The following PDS5B variants were observed in gnomAD, a reference collection of about 807,000 sequenced individuals.
PDS5B encodes PDS5 cohesin associated factor B.
In PDS5B, 51 loss-of-function variants were observed where a neutral mutation model predicts 184.1. That is an observed-to-expected ratio of 0.28 (90% CI 0.22 to 0.35). The LOEUF (loss-of-function observed/expected upper bound fraction) is 0.35, where lower values mean the gene tolerates loss of function less well. Ranked by LOEUF, PDS5B falls within the 10% of genes least tolerant of loss-of-function variation. The pLI, the probability that PDS5B is intolerant of heterozygous loss-of-function variation, is 1.00. For synonymous variants in PDS5B, 566 were observed against 569.2 expected (o/e 0.99, Z 0.08); for missense variants, 1,180 against 1,723.3 (o/e 0.68, Z 5.58).
chr13:32,769,201 G>A (rs998552479), intron 31 of PDS5B, among the ~76,000 whole-genome samples: 2 of 151,842 alleles, frequency 1.3e-5, no homozygotes, highest in African/African-American at 4.8e-5. Context: ...AAAGCATAGA[G>A]GAATATAGAG....
At chr13:32,642,755 A>G (rs1001970704) in intron 1 of PDS5B, among the ~76,000 whole-genome samples, 1 of 151,950 alleles carries the variant, frequency 6.6e-6, no homozygotes, top group African/African-American at 2.4e-5. Context: ...TCTGAGATTT[A>G]TTCAGAATGT....
chr13:32,640,890 T>C (rs1566274089), intron 1 of PDS5B, among the ~76,000 whole-genome samples: 1 of 150,676 alleles, frequency 6.6e-6, no homozygotes, highest in East Asian at 2.0e-4. Flanking sequence ...CCATCTCTAC[T>C]AAAAAAAATA....
chr13:32,607,100 G>A (rs1334723996), intron 1 of PDS5B, among the ~76,000 whole-genome samples: 1 of 152,230 alleles, frequency 6.6e-6, no homozygotes, highest in Non-Finnish European at 1.5e-5. Context: ...TCCATTGCTG[G>A]CGAAGAGCTG....
chr13:32,658,574 C>T, intron 5 of PDS5B, 43 bp downstream of exon 5: 3 of 1,022,774 alleles, frequency 2.9e-6, no homozygotes, highest in Non-Finnish European at 4.4e-6. Flanking sequence ...AAAAAGGTAA[C>T]AAATTTTGAA....
At chr13:32,706,029 G>A (rs897769195) in intron 17 of PDS5B, among the ~76,000 whole-genome samples, 44 of 152,150 alleles carry the variant, frequency 2.9e-4, no homozygotes, top group African/African-American at 7.2e-4. Flanking sequence ...TGTAATCCCA[G>A]CACTTTGAGA....
intron 20 of PDS5B, among the ~76,000 whole-genome samples, chr13:32,734,160 T>G (rs1262065081): frequency 2.0e-5 from 3 of 152,140 alleles, no homozygotes; most frequent in Admixed American, 6.5e-5. Context: ...CCTGAGTAGC[T>G]GGGACTACAG....
At chr13:32,735,732 G>T (rs1052814448) in intron 21 of PDS5B, among the ~76,000 whole-genome samples, 1 of 151,970 alleles carries the variant, frequency 6.6e-6, no homozygotes, top group Non-Finnish European at 1.5e-5. Flanking sequence ...GGGAGAGAAC[G>T]AAAAAACATT....
At chr13:32,627,807 A>G (rs564290371) in intron 1 of PDS5B, among the ~76,000 whole-genome samples, 1 of 152,194 alleles carries the variant, frequency 6.6e-6, no homozygotes, top group Non-Finnish European at 1.5e-5. Flanking sequence ...GAGTTGGGTC[A>G]TCTAATTGAT....
intron 1 of PDS5B, among the ~76,000 whole-genome samples, chr13:32,599,282 G>T (rs1195115241): frequency 6.6e-6 from 1 of 150,964 alleles, no homozygotes; most frequent in East Asian, 2.0e-4. Context: ...TTTTTTTTGC[G>T]AGATTGCATC....
At chr13:32,698,210 T>A (rs961985050) in intron 15 of PDS5B, among the ~76,000 whole-genome samples, 1 of 152,182 alleles carries the variant, frequency 6.6e-6, no homozygotes, top group East Asian at 1.9e-4. Flanking sequence ...AGAGTTTTCT[T>A]TATCCCTTCT....
intron 1 of PDS5B, among the ~76,000 whole-genome samples, chr13:32,645,723 G>A (rs1046839000): frequency 6.6e-6 from 1 of 151,976 alleles, no homozygotes; most frequent in African/African-American, 2.4e-5. Flanking sequence ...GCTTTTTGTT[G>A]AAGTATAACA....
At chr13:32,652,781 G>T (rs1593341997) in intron 3 of PDS5B, among the ~76,000 whole-genome samples, 1 of 150,216 alleles carries the variant, frequency 6.7e-6, no homozygotes, top group Non-Finnish European at 1.5e-5. Flanking sequence ...AAGATTCAGT[G>T]AACAAAATTT....
intron 1 of PDS5B, among the ~76,000 whole-genome samples, chr13:32,610,520 T>C (rs1206707041): frequency 6.6e-6 from 1 of 152,240 alleles, no homozygotes; most frequent in Non-Finnish European, 1.5e-5. Context: ...CCTGTAATAC[T>C]GTGATCTTTT....
At chr13:32,713,743 T>C (rs1397580793) in intron 19 of PDS5B, among the ~76,000 whole-genome samples, 1 of 152,146 alleles carries the variant, frequency 6.6e-6, no homozygotes, top group African/African-American at 2.4e-5. Context: ...TGGAAAATAT[T>C]CAAGAAAATA....
chr13:32,728,572 A>ATCT (rs1952991149), intron 19 of PDS5B, among the ~76,000 whole-genome samples: 1 of 152,188 alleles, frequency 6.6e-6, no homozygotes, highest in Non-Finnish European at 1.5e-5. Flanking sequence ...TGTGCTCTAG[A>ATCT]AATCAGAGCT....
intron 24 of PDS5B, among the ~76,000 whole-genome samples, 169 bp downstream of exon 24, chr13:32,746,269 TTGGGTTGCTAACA>T (rs1357754257): frequency 3.3e-5 from 5 of 152,220 alleles, no homozygotes; most frequent in Non-Finnish European, 7.4e-5. Flanking sequence ...CATTTGAGTT[TTGGGTTGCTAACA>T]TAGTACAGTT....
chr13:32,670,521 C>G (rs895785714), intron 7 of PDS5B, among the ~76,000 whole-genome samples: 9 of 152,142 alleles, frequency 5.9e-5, no homozygotes, highest in African/African-American at 1.9e-4. Flanking sequence ...AACCACCATG[C>G]CCAGCCTAGG....
intron 1 of PDS5B, among the ~76,000 whole-genome samples, chr13:32,625,942 G>T (rs1021850074): frequency 2.0e-5 from 3 of 151,620 alleles, no homozygotes; most frequent in Non-Finnish European, 4.4e-5. Flanking sequence ...GGATTCAAGC[G>T]ATTCTTGTGC....
chr13:32,618,334 A>G lies in PDS5B; in HGVS notation c.-19-30420A>G, dbSNP rs2058248107. On this transcript the variant is annotated intron_variant, in intron 1 of 34. Transcript: ENST00000315596. ...CAGTGATTTCAGTTACCAGTGGTCA[A>G]CCATGGTCTGAAAATACTAAATGGA... 2.0e-5 allele frequency among the ~76,000 whole-genome samples: 3 copies of G among 152,342 alleles called. No individual in the cohort carries two copies. The South Asian group carries it at 6.2e-4, about 32-fold the overall frequency.
Sources: gnomAD v4.1 joint callset for allele counts (sites outside exome capture counted in the v4.1 genomes callset) on GRCh38, gnomAD v4.1.1 for gene constraint, MANE v1.5 for transcripts, NCBI Gene and HGNC (gene_info 2026-07-23, HGNC 2026-07-21) for gene names.